Variants in ANTXR2 observed in about 807,000 individuals in gnomAD.
ANTXR2 encodes the protein anthrax toxin receptor 2.
In ANTXR2, 44 loss-of-function variants were observed where a neutral mutation model predicts 73.7. That is an observed-to-expected ratio of 0.60 (90% CI 0.47 to 0.77). The LOEUF is 0.77. ANTXR2 is among the 30% of genes least tolerant of loss of function. The probability of loss-of-function intolerance (pLI) is 0.00; values close to 1 mark genes in which losing one functional copy is unlikely to be tolerated. For synonymous variants in ANTXR2, 217 were observed against 205.9 expected (o/e 1.05, Z -0.46); for missense variants, 604 against 592.5 (o/e 1.02, Z -0.20).
intron 9 of ANTXR2, among the ~76,000 whole-genome samples, chr4:80,032,555 A>G (rs1732745546): frequency 6.6e-6 from 1 of 151,906 alleles, no homozygotes; most frequent in Non-Finnish European, 1.5e-5. Context: ...TTAATTCAAT[A>G]AACACATATT....
At chr4:80,055,667 T>G (rs1331054227) in intron 4 of ANTXR2, among the ~76,000 whole-genome samples, 200 bp from the exon 5 acceptor site, 1 of 151,930 alleles carries the variant, frequency 6.6e-6, no homozygotes, top group East Asian at 1.9e-4. Context: ...GTTTAAATTA[T>G]ATAGATTTTT....
chr4:80,041,286 T>C (rs1339864482), intron 7 of ANTXR2, among the ~76,000 whole-genome samples: 1 of 152,058 alleles, frequency 6.6e-6, no homozygotes, highest in Non-Finnish European at 1.5e-5. Flanking sequence ...AATCTAACCA[T>C]TACAAAATCT....
chr4:79,906,313 TGC>T lies in ANTXR2; in HGVS notation c.*1114_*1115del, dbSNP rs1175631791. 1 of 152,560 alleles carries T rather than the reference TGC, an allele frequency of 6.6e-6. No individual in the cohort carries two copies. The highest frequency in any genetic ancestry group is 2.4e-5 in the African/African-American group (1 of 41,410). 9.5% of individuals were successfully genotyped at this position (152,560 alleles called of 1,614,324 possible). ...AGAGTGCCCCTCAAAATCCAAGTAATGCGCATACAGTAATAGGTCATTCAATG... is the reference window on the plus strand; with the variant it reads ...AGAGTGCCCCTCAAAATCCAAGTAATGCATACAGTAATAGGTCATTCAATG... On this transcript the variant is annotated 3_prime_UTR_variant, in exon 17 of 17. Coordinates refer to ENST00000403729, the MANE Select transcript of ANTXR2 (RefSeq NM_058172.6).
At chr4:80,050,439 G>A (rs1042691841) in intron 7 of ANTXR2, among the ~76,000 whole-genome samples, 80 of 151,616 alleles carry the variant, frequency 5.3e-4, no homozygotes, top group African/African-American at 1.9e-3. Context: ...TGGACTGCCC[G>A]ACAGAAGGAT....
intron 16 of ANTXR2, among the ~76,000 whole-genome samples, chr4:79,936,023 C>T (rs1390405866): frequency 6.6e-6 from 1 of 152,142 alleles, no homozygotes; most frequent in African/African-American, 2.4e-5. Context: ...ACTATGATTC[C>T]ATTCCAAAGT....
Position 79,908,230 on chromosome 4 carries a change from T to C in ANTXR2, c.1429-763A>G, listed in dbSNP as rs538143237. On this transcript the variant is annotated intron_variant, in intron 16 of 16. Coordinates refer to ENST00000403729, the MANE Select transcript of ANTXR2 (RefSeq NM_058172.6). ...CTGATCCACTGTACCACCTAAATCA[T>C]TCCCAGATTCCTCAACCAGCCAAAA... Among the ~76,000 whole-genome samples the C allele has an allele frequency of 3.3e-5, 5 of 152,282 alleles. No homozygotes were observed. The South Asian group carries it at 1.0e-3, about 32-fold the overall frequency.
chr4:79,931,532 G>C (rs1728058341), intron 16 of ANTXR2, among the ~76,000 whole-genome samples: 1 of 150,868 alleles, frequency 6.6e-6, no homozygotes, highest in African/African-American at 2.4e-5. Context: ...ATAAATGCCA[G>C]TCATTTGGCC....
intron 7 of ANTXR2, among the ~76,000 whole-genome samples, chr4:80,045,527 C>A (rs947694118): frequency 6.6e-6 from 1 of 151,380 alleles, no homozygotes; most frequent in African/African-American, 2.4e-5. Context: ...TTTCCATGAC[C>A]CACAGCATGT....
intron 3 of ANTXR2, among the ~76,000 whole-genome samples, chr4:80,068,394 G>A (rs1032882857): frequency 6.6e-6 from 1 of 152,028 alleles, no homozygotes. Flanking sequence ...ACCAAAAACT[G>A]GCTTACATAC....
At chr4:80,028,311 A>T (rs1000199876) in intron 10 of ANTXR2, among the ~76,000 whole-genome samples, 1 of 152,048 alleles carries the variant, frequency 6.6e-6, no homozygotes, top group Non-Finnish European at 1.5e-5. Flanking sequence ...CATAACATCA[A>T]ATTCCAAATG....
At chr4:79,992,997 T>C (rs1288906452) in intron 12 of ANTXR2, among the ~76,000 whole-genome samples, 1 of 152,102 alleles carries the variant, frequency 6.6e-6, no homozygotes, top group African/African-American at 2.4e-5. Context: ...TATGATTCTC[T>C]TGATATGCAC....
chr4:79,950,316 T>C (rs1318307519), intron 16 of ANTXR2, among the ~76,000 whole-genome samples: 1 of 152,120 alleles, frequency 6.6e-6, no homozygotes, highest in African/African-American at 2.4e-5. Context: ...TAAGACCCCA[T>C]AGACCCTCAT....
chr4:79,910,328 G>T (rs895132812), intron 16 of ANTXR2, among the ~76,000 whole-genome samples: 1 of 151,922 alleles, frequency 6.6e-6, no homozygotes, highest in East Asian at 1.9e-4. Flanking sequence ...GGCCAACATG[G>T]TGAAACTCCA....
At chr4:79,981,479 C>T (rs892913581) in intron 14 of ANTXR2, among the ~76,000 whole-genome samples, 1 of 152,066 alleles carries the variant, frequency 6.6e-6, no homozygotes, top group African/African-American at 2.4e-5. Context: ...TTGACGCACA[C>T]CTTATATACA....
intron 7 of ANTXR2, among the ~76,000 whole-genome samples, chr4:80,047,459 T>C (rs1308153638): frequency 6.6e-6 from 1 of 151,654 alleles, no homozygotes; most frequent in Non-Finnish European, 1.5e-5. Context: ...CTGGACACTT[T>C]TGCACCCTTA....
chr4:79,963,861 T>C (rs1412564294), intron 16 of ANTXR2, among the ~76,000 whole-genome samples: 5 of 152,162 alleles, frequency 3.3e-5, no homozygotes, highest in Admixed American at 6.5e-5. Context: ...TGAATGTAGG[T>C]AGTAGAGGAG....
Position 79,934,099 on chromosome 4 carries a change from T to C in ANTXR2, c.1429-26632A>G, listed in dbSNP as rs369488399. Reference sequence around the variant, plus strand: ...CATAATTCTGAGTTTTCTTCTCACATACAAGCTGTAGCATATAAAAATGTG... The same window carrying C: ...CATAATTCTGAGTTTTCTTCTCACACACAAGCTGTAGCATATAAAAATGTG... On this transcript the variant is annotated intron_variant, in intron 16 of 16. Coordinates refer to ENST00000403729, the MANE Select transcript of ANTXR2 (RefSeq NM_058172.6). Among the ~76,000 whole-genome samples, 90 of 152,234 alleles carry C rather than the reference T, an allele frequency of 5.9e-4. 1 individual carries two copies. The highest frequency in any genetic ancestry group is 2.0e-3 in the African/African-American group (84 of 41,538).
At chr4:79,966,629 T>C (rs1729376116) in intron 16 of ANTXR2, among the ~76,000 whole-genome samples, 1 of 152,258 alleles carries the variant, frequency 6.6e-6, no homozygotes, top group Non-Finnish European at 1.5e-5. Flanking sequence ...TATTATGTGC[T>C]CTTTCTATAA....
At chr4:80,053,661 C>A (rs1733861907) in intron 7 of ANTXR2, among the ~76,000 whole-genome samples, 1 of 151,546 alleles carries the variant, frequency 6.6e-6, no homozygotes, top group African/African-American at 2.4e-5. Flanking sequence ...GAAACATAAA[C>A]CTCAGCTATG....
Sources: allele counts gnomAD v4.1 joint callset (sites outside exome capture counted in the v4.1 genomes callset), GRCh38; gene constraint gnomAD v4.1.1; transcripts MANE v1.5; gene names NCBI Gene and HGNC (gene_info 2026-07-23, HGNC 2026-07-21).